The following GHR variants were observed in gnomAD, a reference collection of about 807,000 sequenced individuals.
GHR encodes growth hormone receptor, also known as GH receptor.
In GHR, 35 loss-of-function variants were observed where a neutral mutation model predicts 67.1. The observed-to-expected ratio is 0.52, with a 90% CI of 0.40 to 0.69. GHR has a LOEUF of 0.69. Among genes scored for constraint, GHR ranks in the 30% least tolerant of loss-of-function variants. The pLI is 0.00. For synonymous variants in GHR, 272 were observed against 269.1 expected, an observed-to-expected ratio of 1.01 and a Z score of -0.10; for missense variants, 792 against 764.6, an observed-to-expected ratio of 1.04 and a Z score of -0.42.
In GHR at chr5:42,718,827, C is replaced by T; in HGVS notation, c.1320C>T (p.Cys440=). The T allele has an allele frequency of 6.2e-7, 1 of 1,614,114 alleles. No individual in the cohort carries two copies. The highest frequency in any genetic ancestry group is 2.2e-5 in the East Asian group (1 of 44,876). ...ATAACTCACCTTATCATGATGCTTG[C>T]CCTGCTACTCAGCAGCCCAGTGTTA... ...NQNNSPYHDA[C]PATQQPSVIQ... is the part of the protein sequence containing the mutation. The change falls in exon 10 of 10, where the codon TGC becomes TGT. Residue 440 remains cysteine, a synonymous_variant. Transcript: ENST00000230882.
At chr5:42,431,112 A>G (rs1294764591) in intron 1 of GHR, among the ~76,000 whole-genome samples, 3 of 152,132 alleles carry the variant, frequency 2.0e-5, no homozygotes, top group African/African-American at 2.4e-5. Context: ...TTAATTATCA[A>G]ATTTCTCTCT....
chr5:42,692,566 A>G (rs1253507747), intron 4 of GHR, among the ~76,000 whole-genome samples: 1 of 152,226 alleles, frequency 6.6e-6, no homozygotes, highest in Non-Finnish European at 1.5e-5. Flanking sequence ...ACATTGGTTC[A>G]TGAAGAAAGA....
At chr5:42,697,544 G>T (rs1311129951) in intron 5 of GHR, among the ~76,000 whole-genome samples, 2 of 75,310 alleles carry the variant, frequency 2.7e-5, no homozygotes, top group Non-Finnish European at 6.8e-5. Context: ...GGGCATTTCA[G>T]CAAGGGGGCA....
chr5:42,550,256 G>A, intron 1 of GHR: 1 of 157,852 alleles, frequency 6.3e-6, no homozygotes, highest in Non-Finnish European at 1.4e-5. Flanking sequence ...CCAGCTCCGG[G>A]GGCTTAGACA....
chr5:42,610,677 A>G (rs1209903457), intron 2 of GHR, among the ~76,000 whole-genome samples: 1 of 151,868 alleles, frequency 6.6e-6, no homozygotes, highest in Non-Finnish European at 1.5e-5. Context: ...AAAAAAAAAA[A>G]GGAGAGAAGG....
chr5:42,464,468 G>C (rs549154645), intron 1 of GHR, among the ~76,000 whole-genome samples: 1 of 152,164 alleles, frequency 6.6e-6, no homozygotes, highest in Non-Finnish European at 1.5e-5. Context: ...GAGCTCTCTG[G>C]AAGATGGTAG....
At chr5:42,539,805 A>T (rs975470798) in intron 1 of GHR, among the ~76,000 whole-genome samples, 3 of 152,116 alleles carry the variant, frequency 2.0e-5, no homozygotes, top group Non-Finnish European at 4.4e-5. Flanking sequence ...TTTCTCTCCC[A>T]ACAAGATAAA....
rs1756459126 is a variant in GHR, at chr5:42,674,248, A to G, written c.137-14642A>G. 3.3e-5 allele frequency among the ~76,000 whole-genome samples: 5 copies of G among 152,216 alleles called. No individual in the cohort carries two copies. In the South Asian group the frequency reaches 1.0e-3, roughly 32 times the overall value. On this transcript the variant is annotated intron_variant, in intron 3 of 9. Transcript: ENST00000230882. The stretch of plus-strand genomic sequence containing the variant: ...ATGAGCTGTGATTTTTAAACTGAAA[A>G]AGTGACTGTCCAATAGAGGCTAAAA...
chr5:42,715,715 G>T (rs1758688319), intron 8 of GHR, among the ~76,000 whole-genome samples: 1 of 152,138 alleles, frequency 6.6e-6, no homozygotes, highest in South Asian at 2.1e-4. Context: ...TCAGAGTGAA[G>T]ATTTTCCTAC....
chr5:42,524,218 G>A (rs1343967503), intron 1 of GHR, among the ~76,000 whole-genome samples: 6 of 152,168 alleles, frequency 3.9e-5, no homozygotes, highest in Admixed American at 1.3e-4. Context: ...GAACTTCCTA[G>A]GGACTTATTG....
intron 6 of GHR, 126 bp from the exon 7 acceptor site, chr5:42,711,081 G>A (rs757769773): frequency 9.3e-6 from 7 of 748,774 alleles, no homozygotes; most frequent in Non-Finnish European, 1.4e-5. Context: ...TGCTCACAAT[G>A]CATTTTAAAA....
chr5:42,662,066 A>G (rs1049650520), intron 3 of GHR, among the ~76,000 whole-genome samples: 4 of 152,236 alleles, frequency 2.6e-5, no homozygotes, highest in Admixed American at 6.5e-5. Context: ...TATCCTAAAT[A>G]TATATGCACC....
intron 1 of GHR, among the ~76,000 whole-genome samples, chr5:42,528,891 G>A (rs1449824383): frequency 6.6e-6 from 1 of 152,092 alleles, no homozygotes; most frequent in African/African-American, 2.4e-5. Context: ...CTCACTAAAG[G>A]CTCAGATGAT....
At chr5:42,499,507 A>G (rs1001770061) in intron 1 of GHR, among the ~76,000 whole-genome samples, 5 of 152,188 alleles carry the variant, frequency 3.3e-5, no homozygotes, top group Non-Finnish European at 7.3e-5. Context: ...CTAGAAGGGG[A>G]ACAGCTAGCT....
intron 2 of GHR, among the ~76,000 whole-genome samples, chr5:42,613,060 T>A (rs1018524951): frequency 2.0e-5 from 3 of 152,196 alleles, no homozygotes; most frequent in Non-Finnish European, 4.4e-5. Context: ...TAGAGATGTT[T>A]CAAATTCTAC....
At chr5:42,576,123 T>TAAAATAA (rs1750712521) in intron 2 of GHR, among the ~76,000 whole-genome samples, 1,422 of 84,832 alleles carry the variant, frequency 0.017, 73 homozygotes, top group African/African-American at 0.059. Flanking sequence ...TAAAATAAAA[T>TAAAATAA]AAAATAAAAT....
intron 1 of GHR, among the ~76,000 whole-genome samples, chr5:42,427,424 T>C (rs575132779): frequency 2.4e-4 from 36 of 152,328 alleles, no homozygotes; most frequent in Middle Eastern, 3.4e-3. Context: ...ACTTATTCAC[T>C]ATCATGAGAA....
intron 3 of GHR, among the ~76,000 whole-genome samples, chr5:42,643,935 C>A (rs1754604489): frequency 6.6e-6 from 1 of 151,948 alleles, no homozygotes; most frequent in African/African-American, 2.4e-5. Context: ...TAAGCAACTA[C>A]CTTGAATTTT....
At chr5:42,489,223 C>T (rs1009776161) in intron 1 of GHR, among the ~76,000 whole-genome samples, 5 of 152,098 alleles carry the variant, frequency 3.3e-5, no homozygotes, top group African/African-American at 1.2e-4. Context: ...TTTCCTAGTC[C>T]TCTTTTCTTC....
Sources: gnomAD v4.1 joint callset for allele counts (sites outside exome capture counted in the v4.1 genomes callset) on GRCh38, gnomAD v4.1.1 for gene constraint, MANE v1.5 for transcripts, NCBI Gene and HGNC (gene_info 2026-07-23, HGNC 2026-07-21) for gene names.